The following ANKRD36 variants were observed in gnomAD, a reference collection of about 807,000 sequenced individuals.
ANKRD36 encodes the protein ankyrin repeat domain-containing protein 36A.
A neutral mutation model predicts 278.1 loss-of-function variants in ANKRD36; 179 were observed. The ratio of observed to expected loss-of-function variants is 0.64; its 90% CI spans 0.57 to 0.73. The LOEUF (loss-of-function observed/expected upper bound fraction) is 0.73. ANKRD36 is among the 30% of genes least tolerant of loss of function. ANKRD36 has a pLI of 0.00. For synonymous variants in ANKRD36, 320 were observed against 641.1 expected (o/e 0.50, Z 7.57); for missense variants, 1,159 against 1,956.7 (o/e 0.59, Z 7.69).
intron 22 of ANKRD36, among the ~76,000 whole-genome samples, chr2:97,171,068 T>A (rs1462681451): frequency 6.8e-6 from 1 of 148,058 alleles, no homozygotes; most frequent in Non-Finnish European, 1.5e-5. Context: ...CTGGAGAGGA[T>A]GTGGAGAAAT....
chr2:97,243,182 G>C (rs202091786), intron 69 of ANKRD36, among the ~76,000 whole-genome samples: 3 of 143,660 alleles, frequency 2.1e-5, no homozygotes, highest in East Asian at 4.0e-4. Context: ...AGGTGGTCGG[G>C]GTGCAGCTTG....
intron 38 of ANKRD36, among the ~76,000 whole-genome samples, chr2:97,194,145 T>A (rs1364560376): frequency 6.6e-6 from 1 of 151,450 alleles, no homozygotes; most frequent in Non-Finnish European, 1.5e-5. Flanking sequence ...ACTACATGGG[T>A]GTGAGGGATA....
chr2:97,152,047 C>T (rs1574990445), intron 13 of ANKRD36, 108 bp downstream of exon 13: 4 of 933,198 alleles, frequency 4.3e-6, no homozygotes, highest in South Asian at 1.5e-5. Context: ...GGCTGGAGTG[C>T]AGTGGTGCGA....
At chr2:97,128,371 A>G (rs564268965) in intron 6 of ANKRD36, among the ~76,000 whole-genome samples, 5 of 152,040 alleles carry the variant, frequency 3.3e-5, no homozygotes, top group African/African-American at 1.2e-4. Context: ...AAACTAGGAG[A>G]GGAGTCAGAG....
chr2:97,201,833 CAT>C (rs1454212305), intron 46 of ANKRD36, among the ~76,000 whole-genome samples: 21 of 151,986 alleles, frequency 1.4e-4, no homozygotes, highest in Admixed American at 9.8e-4. Context: ...GCATGAAAGA[CAT>C]GTGGGATCAT....
chr2:97,225,960 A>C (rs1188768864), intron 67 of ANKRD36, among the ~76,000 whole-genome samples: 2 of 151,698 alleles, frequency 1.3e-5, no homozygotes, highest in African/African-American at 2.4e-5. Context: ...TGAACTCATC[A>C]TTTTTTATGG....
chr2:97,175,294 C>T (rs2053895304), intron 22 of ANKRD36, among the ~76,000 whole-genome samples: 1 of 149,320 alleles, frequency 6.7e-6, no homozygotes. Flanking sequence ...ATTATTGCCA[C>T]AATTTCAGAT....
chr2:97,211,501 A>T, intron 56 of ANKRD36, 45 bp from the exon 57 acceptor site: 1 of 1,593,394 alleles, frequency 6.3e-7, no homozygotes, highest in Non-Finnish European at 8.6e-7. Context: ...GGATAACTTT[A>T]TCATATTTAC....
chr2:97,165,174 A>G (rs2050294145), intron 20 of ANKRD36, among the ~76,000 whole-genome samples: 2 of 152,214 alleles, frequency 1.3e-5, no homozygotes, highest in Non-Finnish European at 2.9e-5. Flanking sequence ...TTCATAGGTA[A>G]TATGTGGAAT....
chr2:97,209,451 C>G (rs906125353), intron 54 of ANKRD36, among the ~76,000 whole-genome samples: 1 of 146,306 alleles, frequency 6.8e-6, no homozygotes, highest in Non-Finnish European at 1.5e-5. Context: ...GTTTTTGACA[C>G]GTGACAAATC....
chr2:97,161,883 G>C (rs1404093577), intron 17 of ANKRD36, among the ~76,000 whole-genome samples: 1 of 152,154 alleles, frequency 6.6e-6, no homozygotes, highest in Admixed American at 6.6e-5. Context: ...TTATTGACTT[G>C]AGTTGTAGAA....
intron 58 of ANKRD36, chr2:97,212,927 G>A (rs2065056520): frequency 1.1e-5 from 3 of 283,006 alleles, no homozygotes; most frequent in Non-Finnish European, 2.0e-5. Flanking sequence ...GAAGAGACGT[G>A]AAGTGTACGT....
intron 18 of ANKRD36, chr2:97,163,292 G>C (rs146874874): frequency 2.2e-6 from 1 of 446,820 alleles, no homozygotes; most frequent in Non-Finnish European, 4.5e-6. Flanking sequence ...AAAGTTGATT[G>C]TTATGAAAAA....
chr2:97,184,609 A>G (rs2056993245), intron 28 of ANKRD36, among the ~76,000 whole-genome samples: 1 of 151,710 alleles, frequency 6.6e-6, no homozygotes, highest in Non-Finnish European at 1.5e-5. Flanking sequence ...CATTTTGTAT[A>G]AATATGTGTA....
chr2:97,205,790 A>G (rs554819589), intron 50 of ANKRD36, 150 bp from the exon 51 acceptor site: 2 of 1,189,844 alleles, frequency 1.7e-6, no homozygotes, highest in East Asian at 2.6e-5. Flanking sequence ...TATTTGTGTC[A>G]TTTTCTAGTC....
chr2:97,152,918 C>T (rs1167114984), intron 14 of ANKRD36, among the ~76,000 whole-genome samples: 1 of 150,926 alleles, frequency 6.6e-6, no homozygotes, highest in African/African-American at 2.4e-5. Flanking sequence ...TATATATTAA[C>T]TGTCTTTAGA....
At chr2:97,146,710 T>C (rs535799365) in intron 11 of ANKRD36, among the ~76,000 whole-genome samples, 194 bp downstream of exon 11, 1 of 151,956 alleles carries the variant, frequency 6.6e-6, no homozygotes, top group African/African-American at 2.4e-5. Context: ...TAGGCAACTC[T>C]GCTTTAAAGA....
intron 34 of ANKRD36, among the ~76,000 whole-genome samples, chr2:97,190,536 T>A (rs546004495): frequency 4.7e-4 from 70 of 150,534 alleles, no homozygotes; most frequent in African/African-American, 1.6e-3. Context: ...TCTCAGTTAT[T>A]GGGCAAGTTA....
chr2:97,175,207 G>T (rs1305590356), intron 22 of ANKRD36, among the ~76,000 whole-genome samples: 1 of 149,198 alleles, frequency 6.7e-6, no homozygotes, highest in Non-Finnish European at 1.5e-5. Flanking sequence ...AATGGTACCA[G>T]TTCCTCCTTG....
Sources: allele counts gnomAD v4.1 joint callset (sites outside exome capture counted in the v4.1 genomes callset), GRCh38; gene constraint gnomAD v4.1.1; transcripts MANE v1.5; gene names NCBI Gene and HGNC (gene_info 2026-07-23, HGNC 2026-07-21).